The following TAOK1 variants were observed in gnomAD, a reference collection of about 807,000 sequenced individuals.
TAOK1 encodes TAO kinase 1, also known as serine/threonine-protein kinase TAO1.
TAOK1 carries 21 observed loss-of-function variants against 138.3 expected under a neutral mutation model. The observed-to-expected ratio is 0.15, with a 90% confidence interval of 0.11 to 0.22. TAOK1 has a LOEUF of 0.22. Ranked by LOEUF, TAOK1 falls within the 10% of genes least tolerant of loss-of-function variation. The pLI, the probability that TAOK1 is intolerant of heterozygous loss-of-function variation, is 1.00. For synonymous variants in TAOK1, 361 were observed against 398.4 expected, an observed-to-expected ratio of 0.91 and a Z score of 1.12; for missense variants, 651 against 1,227.7, an observed-to-expected ratio of 0.53 and a Z score of 7.02.
At chr17:29,440,028 T>A (rs775705187) in intron 1 of TAOK1, among the ~76,000 whole-genome samples, 12 of 152,120 alleles carry the variant, frequency 7.9e-5, no homozygotes, top group Non-Finnish European at 1.8e-4. Context: ...GTGGAATTTT[T>A]AAAAATGAAC....
chr17:29,483,594 GT>G (rs963474914), intron 8 of TAOK1, among the ~76,000 whole-genome samples: 3 of 151,804 alleles, frequency 2.0e-5, no homozygotes, highest in Non-Finnish European at 4.4e-5. Context: ...TTGCAGTCCA[GT>G]TTTTTTTCCC....
intron 10 of TAOK1, among the ~76,000 whole-genome samples, chr17:29,494,250 T>C (rs2031365635): frequency 6.6e-6 from 1 of 151,866 alleles, no homozygotes; most frequent in Non-Finnish European, 1.5e-5. Flanking sequence ...TAAAATAGTG[T>C]ATAGAGGCTG....
intron 14 of TAOK1, among the ~76,000 whole-genome samples, chr17:29,509,462 A>G (rs1441896768): frequency 6.6e-6 from 1 of 151,454 alleles, no homozygotes; most frequent in African/African-American, 2.4e-5. Flanking sequence ...TCGGCCTCCC[A>G]AAGTGCTGGG....
At chr17:29,396,220 G>C (rs756297190) in intron 1 of TAOK1, among the ~76,000 whole-genome samples, 3 of 152,080 alleles carry the variant, frequency 2.0e-5, no homozygotes, top group Admixed American at 6.6e-5. Context: ...TCATCATATG[G>C]TAACAGTTAT....
chr17:29,499,199 T>G (rs974682379), intron 12 of TAOK1, among the ~76,000 whole-genome samples: 1 of 151,452 alleles, frequency 6.6e-6, no homozygotes, highest in African/African-American at 2.4e-5. Flanking sequence ...TGATCAAAAG[T>G]GAATTTTATG....
At chr17:29,406,518 ATCTTTTTTCTTT>A (rs1156888477) in intron 1 of TAOK1, among the ~76,000 whole-genome samples, 49 of 152,204 alleles carry the variant, frequency 3.2e-4, no homozygotes, top group African/African-American at 8.2e-4. Flanking sequence ...TTTGGGCCAT[ATCTTTTTTCTTT>A]TCTTTTTTCT....
At chr17:29,511,160 A>G (rs1413940386) in intron 15 of TAOK1, 168 bp downstream of exon 15, 1 of 425,348 alleles carries the variant, frequency 2.4e-6, no homozygotes, top group African/African-American at 2.1e-5. Context: ...CCCTTAACTG[A>G]GTCATTTAGT....
chr17:29,472,071 A>G (rs9901338), intron 3 of TAOK1, among the ~76,000 whole-genome samples: 36,144 of 151,928 alleles, frequency 0.24, 4,903 homozygotes, highest in East Asian at 0.65. Context: ...TGAACCCCCC[A>G]AAGTCATCCA....
At chr17:29,447,803 C>T (rs945707759) in intron 1 of TAOK1, among the ~76,000 whole-genome samples, 29 of 151,328 alleles carry the variant, frequency 1.9e-4, no homozygotes, top group Non-Finnish European at 1.3e-4. Flanking sequence ...ATTACAGGTG[C>T]TTACCACCAC....
intron 14 of TAOK1, among the ~76,000 whole-genome samples, chr17:29,508,429 T>C (rs1419596347): frequency 6.6e-6 from 1 of 152,194 alleles, no homozygotes; most frequent in African/African-American, 2.4e-5. Flanking sequence ...CAACAAAATT[T>C]TGAGTCTGAA....
chr17:29,458,495 GTTTTGTTTTGT>G (rs1376762318), intron 2 of TAOK1, among the ~76,000 whole-genome samples: 1 of 151,856 alleles, frequency 6.6e-6, no homozygotes, highest in African/African-American at 2.4e-5. Flanking sequence ...GGTTTTTTTT[GTTTTGTTTTGT>G]TTTTGTTTTG....
At chr17:29,461,463 G>C (rs906514082) in intron 2 of TAOK1, among the ~76,000 whole-genome samples, 1 of 152,136 alleles carries the variant, frequency 6.6e-6, no homozygotes, top group Non-Finnish European at 1.5e-5. Flanking sequence ...TGTTAACCAA[G>C]AATTTTTCTA....
chr17:29,439,219 A>T (rs1240849587), intron 1 of TAOK1, among the ~76,000 whole-genome samples: 4 of 130,694 alleles, frequency 3.1e-5, no homozygotes, highest in African/African-American at 1.3e-4. Context: ...TTTTTTTTTA[A>T]GACTGATTCT....
chr17:29,476,603 G>T (rs1161034377), intron 4 of TAOK1, among the ~76,000 whole-genome samples: 1 of 152,122 alleles, frequency 6.6e-6, no homozygotes, highest in Non-Finnish European at 1.5e-5. Flanking sequence ...TGTAACCTAA[G>T]CTTTGTATAG....
chr17:29,500,390 G>C (rs1461963624), intron 12 of TAOK1, among the ~76,000 whole-genome samples: 3 of 152,060 alleles, frequency 2.0e-5, no homozygotes, highest in Non-Finnish European at 4.4e-5. Context: ...AAAGTAGTAG[G>C]TACAATGGCT....
intron 11 of TAOK1, among the ~76,000 whole-genome samples, chr17:29,496,037 C>A (rs1432340989): frequency 1.3e-5 from 2 of 152,006 alleles, no homozygotes; most frequent in Admixed American, 1.3e-4. Context: ...GAAACTTGTT[C>A]ATCTTTGTTT....
intron 3 of TAOK1, among the ~76,000 whole-genome samples, chr17:29,469,946 T>A (rs1407892731): frequency 6.6e-6 from 1 of 152,228 alleles, no homozygotes; most frequent in Non-Finnish European, 1.5e-5. Flanking sequence ...CATATTTTGC[T>A]GTGTTCTGTT....
intron 17 of TAOK1, 44 bp from the exon 18 acceptor site, chr17:29,530,363 C>G: frequency 1.3e-6 from 2 of 1,547,528 alleles, no homozygotes; most frequent in Non-Finnish European, 1.8e-6. Flanking sequence ...ATACCAAATG[C>G]CTTTCGTTAC....
intron 1 of TAOK1, among the ~76,000 whole-genome samples, chr17:29,451,033 A>G (rs1157818678): frequency 2.0e-5 from 3 of 152,180 alleles, no homozygotes; most frequent in African/African-American, 7.2e-5. Flanking sequence ...TGTCTGTTAG[A>G]GTTGATTAGT....
Sources: allele counts gnomAD v4.1 joint callset (sites outside exome capture counted in the v4.1 genomes callset), GRCh38; gene constraint gnomAD v4.1.1; transcripts MANE v1.5; gene names NCBI Gene and HGNC (gene_info 2026-07-23, HGNC 2026-07-21).